Variants in SAMTOR observed in about 807,000 individuals in gnomAD.
SAMTOR encodes the protein S-adenosylmethionine sensor upstream of mTORC1, also known as UPF0532 protein C7orf60.
At chr7:112,902,835 TAAAAG>T in the SAMTOR span, among the ~76,000 whole-genome samples, 1 of 152,148 alleles carries the variant, frequency 6.6e-6, no homozygotes. Context: ...AAAGTCTACT[TAAAAG>T]AGAAAACAAA....
chr7:112,832,938 A>C, the SAMTOR span, among the ~76,000 whole-genome samples: 1 of 152,094 alleles, frequency 6.6e-6, no homozygotes, highest in Non-Finnish European at 1.5e-5. Flanking sequence ...ATATATATTT[A>C]CTTATTTAAT....
At chr7:112,866,026 TATTAG>T in the SAMTOR span, among the ~76,000 whole-genome samples, 2 of 151,898 alleles carry the variant, frequency 1.3e-5, no homozygotes, top group Non-Finnish European at 1.5e-5. Context: ...TAACATTCTA[TATTAG>T]ATTATTCAAC....
chr7:112,856,899 A>C, the SAMTOR span, among the ~76,000 whole-genome samples: 2 of 152,158 alleles, frequency 1.3e-5, no homozygotes, highest in Non-Finnish European at 1.5e-5. Flanking sequence ...AGATAGCTTC[A>C]GCTCCATCTA....
At chr7:112,862,890 C>T in the SAMTOR span, among the ~76,000 whole-genome samples, 2 of 150,932 alleles carry the variant, frequency 1.3e-5, no homozygotes, top group Non-Finnish European at 2.9e-5. Context: ...GATCATGCCA[C>T]TGTACTCCAG....
At chr7:112,845,678 A>G in the SAMTOR span, among the ~76,000 whole-genome samples, 1 of 152,166 alleles carries the variant, frequency 6.6e-6, no homozygotes, top group Non-Finnish European at 1.5e-5. Context: ...CAGTGTGGCG[A>G]TTCCTCAAAT....
At chr7:112,891,565 G>A in the SAMTOR span, among the ~76,000 whole-genome samples, 1 of 152,150 alleles carries the variant, frequency 6.6e-6, no homozygotes, top group Non-Finnish European at 1.5e-5. Context: ...GGGTAAAAGG[G>A]TATAGGAACA....
the SAMTOR span, among the ~76,000 whole-genome samples, chr7:112,870,630 A>G: frequency 6.6e-6 from 1 of 152,122 alleles, no homozygotes; most frequent in East Asian, 1.9e-4. Flanking sequence ...CAACTACGTA[A>G]TTGAGACTAC....
the SAMTOR span, among the ~76,000 whole-genome samples, chr7:112,836,641 G>T: frequency 6.6e-6 from 1 of 151,966 alleles, no homozygotes; most frequent in Admixed American, 6.6e-5. Context: ...GTTTATTTTT[G>T]TGTATGGTGT....
At chr7:112,860,533 A>C in the SAMTOR span, among the ~76,000 whole-genome samples, 4 of 152,196 alleles carry the variant, frequency 2.6e-5, no homozygotes, top group African/African-American at 9.7e-5. Flanking sequence ...ACTTAATTAA[A>C]CTAAGTCTCA....
chr7:112,884,630 G>A, the SAMTOR span, among the ~76,000 whole-genome samples: 3 of 152,368 alleles, frequency 2.0e-5, no homozygotes, highest in South Asian at 4.1e-4. Context: ...GCTGCTGCAA[G>A]AGGTAGCCTC....
chr7:112,924,932 A>G, the SAMTOR span, among the ~76,000 whole-genome samples: 1 of 152,192 alleles, frequency 6.6e-6, no homozygotes, highest in African/African-American at 2.4e-5. Flanking sequence ...AGTCCAAGGA[A>G]AAAGAAAAAA....
At chr7:112,911,330 T>C in the SAMTOR span, among the ~76,000 whole-genome samples, 1 of 152,120 alleles carries the variant, frequency 6.6e-6, no homozygotes, top group Non-Finnish European at 1.5e-5. Context: ...TCATTCACTA[T>C]CAAAGCACTT....
chr7:112,922,702 A>G, the SAMTOR span, among the ~76,000 whole-genome samples: 1 of 148,362 alleles, frequency 6.7e-6, no homozygotes, highest in African/African-American at 2.5e-5. Context: ...CTGAGAAGTG[A>G]GGAGCCCCTC....
At chr7:112,871,939 TG>T in the SAMTOR span, among the ~76,000 whole-genome samples, 9 of 152,180 alleles carry the variant, frequency 5.9e-5, no homozygotes, top group African/African-American at 2.2e-4. Flanking sequence ...AAGATTAAAT[TG>T]GGAAGAAATT....
At chr7:112,895,560 T>C in the SAMTOR span, 5 of 1,516,226 alleles carry the variant, frequency 3.3e-6, no homozygotes, top group Non-Finnish European at 4.5e-6. Context: ...GTAGAAAAAG[T>C]ATACTTACTC....
the SAMTOR span, among the ~76,000 whole-genome samples, chr7:112,841,990 G>A: frequency 1.3e-5 from 2 of 152,008 alleles, no homozygotes; most frequent in African/African-American, 2.4e-5. Flanking sequence ...TTTATAAATT[G>A]TGATTCATAA....
chr7:112,881,491 C>T, the SAMTOR span, among the ~76,000 whole-genome samples: 1 of 152,166 alleles, frequency 6.6e-6, no homozygotes, highest in African/African-American at 2.4e-5. Context: ...CCATAAAAAC[C>T]CTTGACTCAG....
chr7:112,895,496 T>C, the SAMTOR span: 2 of 1,115,932 alleles, frequency 1.8e-6, no homozygotes, highest in Admixed American at 5.2e-5. Flanking sequence ...GCTCACTGTT[T>C]AGTATGAACC....
the SAMTOR span, among the ~76,000 whole-genome samples, chr7:112,859,179 G>T: frequency 2.6e-5 from 4 of 152,134 alleles, no homozygotes; most frequent in Admixed American, 6.5e-5. Flanking sequence ...TTTTGGACCT[G>T]CCAGCCCCCA....
Sources: allele counts gnomAD v4.1 joint callset (sites outside exome capture counted in the v4.1 genomes callset), GRCh38; gene constraint gnomAD v4.1.1; transcripts MANE v1.5; gene names NCBI Gene and HGNC (gene_info 2026-07-23, HGNC 2026-07-21).